Variants in TEX11 observed in about 807,000 individuals in gnomAD.
TEX11 encodes the protein testis-expressed protein 11.
Under a neutral mutation model 84.4 loss-of-function variants are expected in TEX11, and 7 were observed. The observed-to-expected ratio is 0.08, with a 90% CI of 0.05 to 0.16. The LOEUF (loss-of-function observed/expected upper bound fraction) is 0.16, where lower values mean the gene tolerates loss of function less well. Among genes scored for constraint, TEX11 ranks in the 10% least tolerant of loss-of-function variants. The pLI is 1.00. For synonymous variants in TEX11, 264 were observed against 222.8 expected (o/e 1.18, Z -1.64); for missense variants, 551 against 660.5 (o/e 0.83, Z 1.82).
At chrX:70,844,289 G>T (rs1415444831) in intron 7 of TEX11, among the ~76,000 whole-genome samples, 19 of 109,408 alleles carry the variant, frequency 1.7e-4, no homozygotes, top group Admixed American at 4.9e-4. Flanking sequence ...CCATAAAAAA[G>T]GATGAGTTCA....
rs2090218386 is a variant in TEX11, at chrX:70,689,716, CG to C, written c.1005-6892del. 5.4e-5 allele frequency among the ~76,000 whole-genome samples: 6 copies of C among 111,555 alleles called. No individual in the cohort carries two copies. In the East Asian group the frequency reaches 1.7e-3, roughly 31 times the overall value. On this transcript the variant is annotated intron_variant, in intron 13 of 29. Transcript: ENST00000374333. Reference sequence around the variant, plus strand: ...ATATAAAAATGGTTGAACAAATTAACGAATTAGGGAGAAGAGACAAATTTCC... The same window carrying C: ...ATATAAAAATGGTTGAACAAATTAACAATTAGGGAGAAGAGACAAATTTCC...
At chrX:70,795,393 G>A (rs1003743274) in intron 9 of TEX11, among the ~76,000 whole-genome samples, 4 of 111,256 alleles carry the variant, frequency 3.6e-5, no homozygotes, top group African/African-American at 1.3e-4. Flanking sequence ...CACCCACCAG[G>A]AGCCAGGGGG....
intron 28 of TEX11, among the ~76,000 whole-genome samples, chrX:70,532,461 C>G (rs376010049): frequency 8.9e-6 from 1 of 112,458 alleles, no homozygotes; most frequent in African/African-American, 3.2e-5. Context: ...TATGGCCTGG[C>G]GCAGTGGCTC....
At chrX:70,524,152 C>T (rs574290408), downstream of TEX11, among the ~76,000 whole-genome samples, 3 of 111,901 alleles carry the variant, frequency 2.7e-5, no homozygotes, top group African/African-American at 6.5e-5. Context: ...CTGCTATTAA[C>T]GGATCAATGT....
Position 70,849,217 on chromosome X carries a change from T to C in TEX11, c.525+3817A>G, listed in dbSNP as rs139772766. ...CTTAATATTTTTCTTTTTCCAGTTT[T>C]AGAAAATGTATTCATGACCTATCTC... On this transcript the variant is annotated intron_variant, in intron 7 of 29. Coordinates refer to ENST00000374333, the MANE Select transcript of TEX11 (RefSeq NM_031276.3). Among the ~76,000 whole-genome samples, 861 of 112,170 alleles carry C rather than the reference T, an allele frequency of 7.7e-3. 7 individuals carry two copies. The highest frequency in any genetic ancestry group is 0.027 in the African/African-American group (827 of 30,994).
At chrX:70,533,869 G>A (rs1001145180) in intron 28 of TEX11, among the ~76,000 whole-genome samples, 11 of 110,119 alleles carry the variant, frequency 1.0e-4, no homozygotes, top group South Asian at 7.8e-4. Context: ...CGAGGTGGGC[G>A]GATCACGAGG....
chrX:70,576,799 T>C (rs1325820140), intron 25 of TEX11, among the ~76,000 whole-genome samples: 2 of 112,132 alleles, frequency 1.8e-5, no homozygotes, highest in Admixed American at 9.5e-5. Context: ...AAAATAAAAA[T>C]AGAATCAGAA....
intron 24 of TEX11, among the ~76,000 whole-genome samples, chrX:70,592,056 T>G (rs1448620048): frequency 2.7e-5 from 3 of 111,828 alleles, no homozygotes; most frequent in Non-Finnish European, 5.6e-5. Context: ...CATTATCAAT[T>G]TCTTTAACAA....
chrX:70,641,132 A>T (rs2089651755), intron 17 of TEX11, among the ~76,000 whole-genome samples: 1 of 111,368 alleles, frequency 9.0e-6, no homozygotes, highest in African/African-American at 3.3e-5. Flanking sequence ...TCTCTGATCA[A>T]ACAGACTTTA....
In TEX11 at chrX:70,678,846, C is replaced by A. The variant is rs775722432; in HGVS notation, c.1200G>T (p.Trp400Cys). The change falls in exon 15 of 30, where the codon TGG (tryptophan) becomes TGT (cysteine). Residue 400 changes from tryptophan to cysteine, a missense_variant. Physicochemically the swap from Trp to Cys is radical, Grantham distance 215. Transcript: ENST00000374333. ...CTTGTCTCCACAGAATGTTGTGTAA[C>A]CAGTTCATTGATTCTGCTGTCAGTT... ...GRQLTAESMN[W>C]LHNILWRQAA... The A allele has an allele frequency of 2.2e-5, 27 of 1,205,313 alleles. No individual in the cohort carries two copies. The highest frequency in any genetic ancestry group is 2.9e-5 in the Non-Finnish European group (26 of 892,965).
chrX:70,543,195 A>C (rs1273529082), intron 28 of TEX11, among the ~76,000 whole-genome samples: 1 of 111,663 alleles, frequency 9.0e-6, no homozygotes, highest in Non-Finnish European at 1.9e-5. Context: ...AAAATAAATA[A>C]ATAAAAAATA....
intron 9 of TEX11, among the ~76,000 whole-genome samples, chrX:70,806,219 C>A (rs1018485538): frequency 2.7e-5 from 3 of 111,842 alleles, no homozygotes; most frequent in Non-Finnish European, 5.6e-5. Flanking sequence ...CGTTGAGAGA[C>A]CGAGGCAGGT....
At chrX:70,526,180 G>A (rs1010437056), downstream of TEX11, among the ~76,000 whole-genome samples, 3 of 111,773 alleles carry the variant, frequency 2.7e-5, no homozygotes, top group Admixed American at 9.5e-5. Context: ...AGTGAATATC[G>A]GAGGTTAATC....
intron 17 of TEX11, 104 bp from the exon 18 acceptor site, chrX:70,629,839 A>G: frequency 4.6e-6 from 3 of 648,380 alleles, no homozygotes; most frequent in South Asian, 7.5e-5. Flanking sequence ...TTTTAAGAAC[A>G]TTTTTAAAAT....
intron 25 of TEX11, among the ~76,000 whole-genome samples, chrX:70,566,949 C>T (rs1334426308): frequency 2.0e-4 from 22 of 111,841 alleles, no homozygotes; most frequent in Middle Eastern, 4.6e-3. Context: ...CCCTCTTTTT[C>T]TACTGATTGG....
intron 13 of TEX11, among the ~76,000 whole-genome samples, chrX:70,710,403 A>C (rs1015222952): frequency 5.4e-5 from 6 of 111,740 alleles, no homozygotes; most frequent in African/African-American, 1.9e-4. Flanking sequence ...GTTGCCATAA[A>C]AGTGTTCAGG....
At chrX:70,784,947 G>A (rs1209566941) in intron 9 of TEX11, among the ~76,000 whole-genome samples, 1 of 111,858 alleles carries the variant, frequency 8.9e-6, no homozygotes, top group Non-Finnish European at 1.9e-5. Context: ...AGCTACCAAT[G>A]ACTTTCTTCA....
intron 25 of TEX11, among the ~76,000 whole-genome samples, chrX:70,577,118 C>G: frequency 9.0e-6 from 1 of 111,689 alleles, no homozygotes; most frequent in Non-Finnish European, 1.9e-5. Context: ...TTGATCAGGT[C>G]CTGAGCTCCT....
In TEX11 at chrX:70,529,698, T is replaced by C. The variant is rs12010019; in HGVS notation, c.2685+137A>G. 1.7e-3 allele frequency: 1,060 copies of C among 621,792 alleles called. 6 individuals carry two copies. The African/African-American group carries it at 0.018, about 10-fold the overall frequency. The allele number at this position is 621,792 out of a possible 1,213,427, so 51.2% of individuals were successfully genotyped here. ...TATGGTCTCCTGATTCTTGAAGTTA[T>C]GTGGAACCATTGAGAGGAACAATGA... On this transcript the variant is annotated intron_variant, in intron 29 of 29. Transcript: ENST00000374333.
Sources: gnomAD v4.1 joint callset for allele counts (sites outside exome capture counted in the v4.1 genomes callset) on GRCh38, gnomAD v4.1.1 for gene constraint, MANE v1.5 for transcripts, NCBI Gene and HGNC (gene_info 2026-07-23, HGNC 2026-07-21) for gene names.